TOX2: variants seen among roughly 807,000 people sequenced by gnomAD.
TOX2 encodes TOX high mobility group box family member 2.
TOX2 carries 15 observed loss-of-function variants against 47.4 expected under a neutral mutation model. That is an observed-to-expected ratio of 0.32 (90% CI 0.21 to 0.49). The LOEUF is 0.49. Among genes scored for constraint, TOX2 ranks in the 20% least tolerant of loss-of-function variants. TOX2 has a pLI of 0.99. For missense variants in TOX2, 622 were observed against 673.1 expected (o/e 0.92, Z 0.84); for synonymous variants, 290 against 296.6 (o/e 0.98, Z 0.23).
At chr20:43,943,111 A>G (rs895102222) in intron 1 of TOX2, among the ~76,000 whole-genome samples, 16 of 152,104 alleles carry the variant, frequency 1.1e-4, no homozygotes, top group South Asian at 2.1e-4. Context: ...CCTGCCAGGC[A>G]GGTGCACCTG....
intron 1 of TOX2, among the ~76,000 whole-genome samples, chr20:43,969,945 A>G (rs2069934210): frequency 6.6e-6 from 1 of 151,326 alleles, no homozygotes; most frequent in Non-Finnish European, 1.5e-5. Context: ...CCCCTAACAC[A>G]CTCGTGTCGG....
intron 2 of TOX2, among the ~76,000 whole-genome samples, chr20:43,994,932 T>C (rs1253321673): frequency 2.6e-5 from 4 of 152,004 alleles, no homozygotes; most frequent in Non-Finnish European, 5.9e-5. Flanking sequence ...ACACTGCCGG[T>C]GGGAGGGTGT....
In TOX2 at chr20:43,923,197, C is replaced by A. The variant is rs558289139; in HGVS notation, c.99+8207C>A. ...CACCAGCAGAGATGGTTATGAAGAG[C>A]CTTGCACCCCAGCCTGTGGGGCTTT... is the stretch of plus-strand genomic sequence containing the variant. On this transcript the variant is annotated intron_variant, in intron 1 of 8. Coordinates refer to ENST00000341197, the MANE Select transcript of TOX2 (RefSeq NM_001098797.2). 1.5e-3 allele frequency among the ~76,000 whole-genome samples: 232 copies of A among 152,204 alleles called. 1 individual carries two copies. The highest frequency in any genetic ancestry group is 5.3e-3 in the African/African-American group (218 of 41,516).
intron 8 of TOX2, among the ~76,000 whole-genome samples, 157 bp downstream of exon 8, chr20:44,067,014 G>A (rs572484844): frequency 3.9e-4 from 60 of 152,332 alleles, no homozygotes; most frequent in African/African-American, 1.4e-3. Context: ...AGATGACACC[G>A]CAGAGCCAGG....
At chr20:43,986,545 G>A (rs1020634498) in intron 2 of TOX2, among the ~76,000 whole-genome samples, 2 of 151,946 alleles carry the variant, frequency 1.3e-5, no homozygotes, top group Non-Finnish European at 2.9e-5. Flanking sequence ...GCCTCCCAAA[G>A]TGCTGGGATT....
chr20:44,061,126 A>G (rs1172059298), intron 5 of TOX2, among the ~76,000 whole-genome samples: 2 of 152,188 alleles, frequency 1.3e-5, no homozygotes, highest in African/African-American at 2.4e-5. Flanking sequence ...GAACACCTTT[A>G]TGTACATAAA....
intron 1 of TOX2, among the ~76,000 whole-genome samples, chr20:43,972,198 G>T (rs1027272395): frequency 6.6e-6 from 1 of 152,118 alleles, no homozygotes; most frequent in Non-Finnish European, 1.5e-5. Flanking sequence ...TGCTCAGAAG[G>T]TTATGTCTCC....
At chr20:44,062,782 T>TAAA (rs374144334) in intron 5 of TOX2, among the ~76,000 whole-genome samples, 2 of 152,068 alleles carry the variant, frequency 1.3e-5, no homozygotes, top group African/African-American at 4.8e-5. Flanking sequence ...GGTACTGGTA[T>TAAA]AAAAATAGGC....
chr20:44,038,175 C>T (rs542217281), intron 3 of TOX2, among the ~76,000 whole-genome samples: 171 of 152,208 alleles, frequency 1.1e-3, no homozygotes, highest in African/African-American at 3.8e-3. Context: ...GAGGGTGGAT[C>T]GCTTGAGCCC....
intron 8 of TOX2, among the ~76,000 whole-genome samples, chr20:44,067,063 T>C (rs2071836856): frequency 6.6e-6 from 1 of 152,210 alleles, no homozygotes; most frequent in African/African-American, 2.4e-5. Context: ...TGAGGCCTGC[T>C]TGGGAAACTG....
chr20:44,056,004 A>T (rs1302650542), intron 5 of TOX2, among the ~76,000 whole-genome samples: 1 of 152,182 alleles, frequency 6.6e-6, no homozygotes, highest in Non-Finnish European at 1.5e-5. Context: ...AGACAGGGAA[A>T]GGAGGGCAGC....
chr20:44,000,684 G>T (rs1359019295), intron 2 of TOX2, among the ~76,000 whole-genome samples: 2 of 151,734 alleles, frequency 1.3e-5, no homozygotes, highest in East Asian at 3.9e-4. Flanking sequence ...TTTAGAGGAG[G>T]GTATAAGATC....
intron 1 of TOX2, among the ~76,000 whole-genome samples, chr20:43,921,751 T>C (rs1187673751): frequency 1.3e-5 from 2 of 152,070 alleles, no homozygotes; most frequent in Non-Finnish European, 2.9e-5. Flanking sequence ...CTCAAACTCC[T>C]GGGCTCAAAT....
intron 2 of TOX2, among the ~76,000 whole-genome samples, chr20:43,978,243 T>C (rs1314542257): frequency 6.6e-6 from 1 of 152,146 alleles, no homozygotes; most frequent in Non-Finnish European, 1.5e-5. Context: ...GATATCCTTA[T>C]CTCAAGGAGT....
At chr20:43,989,274 C>A (rs926679505) in intron 2 of TOX2, among the ~76,000 whole-genome samples, 3 of 152,142 alleles carry the variant, frequency 2.0e-5, no homozygotes, top group African/African-American at 7.2e-5. Flanking sequence ...TGAGGGGGTT[C>A]ATAAGCTGGT....
chr20:43,957,326 T>C (rs1465680589), intron 1 of TOX2, among the ~76,000 whole-genome samples: 1 of 152,250 alleles, frequency 6.6e-6, no homozygotes, highest in East Asian at 1.9e-4. Flanking sequence ...AATTAGCCCT[T>C]GTCTCTTTGT....
intron 1 of TOX2, among the ~76,000 whole-genome samples, chr20:43,941,627 C>T (rs957651197): frequency 5.2e-4 from 79 of 152,294 alleles, no homozygotes; most frequent in Middle Eastern, 3.4e-3. Context: ...GCCACTGTAC[C>T]TGGCCTAAAG....
At chr20:43,954,135 G>A (rs183289630) in intron 1 of TOX2, among the ~76,000 whole-genome samples, 27 of 152,222 alleles carry the variant, frequency 1.8e-4, no homozygotes, top group Admixed American at 8.5e-4. Context: ...CCCAAATCAC[G>A]TCCTTGCCTC....
At chr20:44,020,648 C>T (rs1239467659) in intron 3 of TOX2, among the ~76,000 whole-genome samples, 2 of 152,072 alleles carry the variant, frequency 1.3e-5, no homozygotes, top group East Asian at 1.9e-4. Context: ...GCCTGGGGAC[C>T]TGTTAGAGAT....
Sources: gnomAD v4.1 joint callset for allele counts (sites outside exome capture counted in the v4.1 genomes callset) on GRCh38, gnomAD v4.1.1 for gene constraint, MANE v1.5 for transcripts, NCBI Gene and HGNC (gene_info 2026-07-23, HGNC 2026-07-21) for gene names.